Variants in CCSER1 observed in about 807,000 individuals in gnomAD.
The protein encoded by CCSER1 is serine-rich coiled-coil domain-containing protein 1.
CCSER1 carries 41 observed loss-of-function variants against 82.0 expected under a neutral mutation model. That is an observed-to-expected ratio of 0.50 (90% CI 0.39 to 0.65). The LOEUF is 0.65. Among genes scored for constraint, CCSER1 ranks in the 30% least tolerant of loss-of-function variants. The probability of loss-of-function intolerance (pLI) is 0.00; values close to 1 mark genes in which losing one functional copy is unlikely to be tolerated. For synonymous variants in CCSER1, 414 were observed against 383.9 expected, an observed-to-expected ratio of 1.08 and a Z score of -0.92; for missense variants, 1,119 against 1,064.2, an observed-to-expected ratio of 1.05 and a Z score of -0.72.
At chr4:91,141,463 T>C (rs1158878607) in intron 10 of CCSER1, among the ~76,000 whole-genome samples, 1 of 152,164 alleles carries the variant, frequency 6.6e-6, no homozygotes, top group South Asian at 2.1e-4. Flanking sequence ...AATTTCATTC[T>C]TTTTTTATGA....
intron 8 of CCSER1, among the ~76,000 whole-genome samples, chr4:90,823,920 A>G (rs897185150): frequency 2.6e-4 from 40 of 152,140 alleles, no homozygotes; most frequent in Admixed American, 1.7e-3. Flanking sequence ...TAGTTTACAC[A>G]AAGTTAAATA....
chr4:90,231,556 T>A (rs1230320928), intron 1 of CCSER1, among the ~76,000 whole-genome samples: 2 of 143,432 alleles, frequency 1.4e-5, no homozygotes, highest in African/African-American at 2.7e-5. Context: ...CTTTGAAAAC[T>A]GGCACAAGAC....
chr4:90,355,339 G>C (rs910711776), intron 3 of CCSER1, among the ~76,000 whole-genome samples: 1 of 151,904 alleles, frequency 6.6e-6, no homozygotes, highest in Non-Finnish European at 1.5e-5. Flanking sequence ...GAAAGAAACA[G>C]TATTTAATTT....
At chr4:90,166,553 A>G (rs1730492934) in intron 1 of CCSER1, among the ~76,000 whole-genome samples, 1 of 152,028 alleles carries the variant, frequency 6.6e-6, no homozygotes, top group Non-Finnish European at 1.5e-5. Context: ...AATAATTATC[A>G]GATTTTTACT....
At chr4:90,909,080 T>C (rs1180386930) in intron 8 of CCSER1, among the ~76,000 whole-genome samples, 1 of 152,140 alleles carries the variant, frequency 6.6e-6, no homozygotes, top group Non-Finnish European at 1.5e-5. Context: ...TTCAAATGGT[T>C]GCTGGCAATT....
At chr4:91,526,902 T>C (rs1348943470) in intron 10 of CCSER1, among the ~76,000 whole-genome samples, 3 of 152,136 alleles carry the variant, frequency 2.0e-5, no homozygotes, top group African/African-American at 4.8e-5. Context: ...CCAGATCATA[T>C]ACTCTCTTGA....
chr4:90,345,444 T>C (rs1742152445), intron 3 of CCSER1, among the ~76,000 whole-genome samples: 1 of 152,096 alleles, frequency 6.6e-6, no homozygotes, highest in Non-Finnish European at 1.5e-5. Flanking sequence ...TGCTAATTCT[T>C]CCCAGTGTGG....
At chr4:90,972,085 A>G (rs939972945) in intron 9 of CCSER1, among the ~76,000 whole-genome samples, 3 of 151,838 alleles carry the variant, frequency 2.0e-5, no homozygotes, top group Admixed American at 2.0e-4. Context: ...CAACAAGACA[A>G]AGGTTTCTAC....
At chr4:90,480,461 A>G (rs191659628) in intron 5 of CCSER1, among the ~76,000 whole-genome samples, 52,842 of 151,622 alleles carry the variant, frequency 0.35, 15,068 homozygotes, top group African/African-American at 0.79. Context: ...CCATGCCTAC[A>G]TCCTGAATGG....
chr4:90,503,369 C>T (rs1233498742), intron 5 of CCSER1, among the ~76,000 whole-genome samples: 3 of 152,076 alleles, frequency 2.0e-5, no homozygotes, highest in Non-Finnish European at 2.9e-5. Flanking sequence ...AATAAGAAAA[C>T]TTGTTTTAAC....
rs140174507 is a variant in CCSER1 at position 91,016,486 on chromosome 4, T to C, written c.2173-69464T>C. On this transcript the variant is annotated intron_variant, in intron 9 of 10. Transcript: ENST00000509176. The stretch of plus-strand genomic sequence containing the variant: ...AAAATTAACTTCCTTATTATTATCA[T>C]CATTTTTTCTATCACCTTTGCCACA... Among the ~76,000 whole-genome samples, 22 of 152,166 alleles carry C rather than the reference T, an allele frequency of 1.4e-4. No individual in the cohort carries two copies. In the East Asian group the frequency reaches 3.5e-3, roughly 24 times the overall value.
chr4:91,254,978 A>T (rs980233752), intron 10 of CCSER1, among the ~76,000 whole-genome samples: 4 of 152,056 alleles, frequency 2.6e-5, no homozygotes, highest in African/African-American at 9.7e-5. Flanking sequence ...TACTACTGTG[A>T]TTACTTCATA....
chr4:91,579,228 TC>T (rs1763608754), intron 10 of CCSER1, among the ~76,000 whole-genome samples: 3 of 151,752 alleles, frequency 2.0e-5, no homozygotes, highest in Non-Finnish European at 4.4e-5. Context: ...ATCATTTATT[TC>T]CTTTTTAAAA....
At chr4:90,282,187 G>C (rs1728982467) in intron 1 of CCSER1, among the ~76,000 whole-genome samples, 1 of 151,878 alleles carries the variant, frequency 6.6e-6, no homozygotes, top group Non-Finnish European at 1.5e-5. Flanking sequence ...AAATATGTTT[G>C]AGTGCTTTTT....
chr4:91,225,692 C>T (rs185249090), intron 10 of CCSER1, among the ~76,000 whole-genome samples: 75 of 151,844 alleles, frequency 4.9e-4, no homozygotes, highest in Admixed American at 1.6e-3. Flanking sequence ...GTTGCCATAA[C>T]CTTAATTTTC....
chr4:91,274,312 C>G (rs1198808465), intron 10 of CCSER1, among the ~76,000 whole-genome samples: 1 of 152,010 alleles, frequency 6.6e-6, no homozygotes, highest in Non-Finnish European at 1.5e-5. Flanking sequence ...AAGTATTTAT[C>G]CTTTCCTTGT....
intron 1 of CCSER1, among the ~76,000 whole-genome samples, chr4:90,278,412 AC>A (rs1160162987): frequency 6.6e-6 from 1 of 152,034 alleles, no homozygotes; most frequent in African/African-American, 2.4e-5. Flanking sequence ...AATACAAAAA[AC>A]ATAGAATCAT....
intron 10 of CCSER1, among the ~76,000 whole-genome samples, chr4:91,364,934 G>A (rs532817855): frequency 1.3e-5 from 2 of 152,010 alleles, no homozygotes; most frequent in South Asian, 4.2e-4. Flanking sequence ...AGATAGAGAA[G>A]GCCATTAGTA....
chr4:90,571,489 C>T (rs6816437), intron 5 of CCSER1, among the ~76,000 whole-genome samples: 6,409 of 152,164 alleles, frequency 0.042, 335 homozygotes, highest in African/African-American at 0.12. Context: ...AAGATTAATG[C>T]AGAAACAGAA....
Sources: gnomAD v4.1 joint callset for allele counts (sites outside exome capture counted in the v4.1 genomes callset) on GRCh38, gnomAD v4.1.1 for gene constraint, MANE v1.5 for transcripts, NCBI Gene and HGNC (gene_info 2026-07-23, HGNC 2026-07-21) for gene names.